Variants in GPATCH2L observed in about 807,000 individuals in gnomAD.
GPATCH2L encodes G patch domain-containing protein 2-like.
Under a neutral mutation model 57.4 loss-of-function variants are expected in GPATCH2L, and 31 were observed. The ratio of observed to expected loss-of-function variants is 0.54; its 90% confidence interval spans 0.41 to 0.73. The LOEUF (loss-of-function observed/expected upper bound fraction) is 0.73. Ranked by LOEUF, GPATCH2L falls within the 30% of genes least tolerant of loss-of-function variation. The probability of loss-of-function intolerance (pLI) is 0.00; values close to 1 mark genes in which losing one functional copy is unlikely to be tolerated. For synonymous variants in GPATCH2L, 199 were observed against 210.7 expected, an observed-to-expected ratio of 0.94 and a Z score of 0.48; for missense variants, 481 against 599.9, an observed-to-expected ratio of 0.80 and a Z score of 2.07.
At position 76,226,278 on chromosome 14, in the gene GPATCH2L, G is replaced by A. The variant is rs189667714; in HGVS notation, c.66-3530G>A. Among the ~76,000 whole-genome samples, 35 of 152,248 alleles carry A rather than the reference G, an allele frequency of 2.3e-4. No homozygotes were observed. In the East Asian group the frequency reaches 6.4e-3, roughly 28 times the overall value. The stretch of plus-strand genomic sequence containing the variant: ...AGAATAGAACACTGTACAGAAATGA[G>A]GATTAACAAACTGTATGCAGCAACA... On this transcript the variant is annotated intron_variant and NMD_transcript_variant, in intron 1 of 3. Coordinates refer to the GPATCH2L transcript ENST00000556372.
chr14:76,184,352 A>C (rs1235866195), intron 8 of GPATCH2L, among the ~76,000 whole-genome samples: 1 of 152,074 alleles, frequency 6.6e-6, no homozygotes, highest in South Asian at 2.1e-4. Context: ...CTGAACTATG[A>C]AGGTTCCCTC....
Position 76,201,754 on chromosome 14 carries a change from A to G in GPATCH2L, c.1352A>G (p.Glu451Gly), listed in dbSNP as rs1309018942. The G allele has an allele frequency of 6.2e-7, 1 of 1,613,884 alleles. No homozygotes were observed. Among genetic ancestry groups the G allele is most frequent in the South Asian group, 1.1e-5 (1 of 91,080 alleles). Residue 451 changes from glutamate to glycine, a missense_variant, in exon 10 of 10, where the codon GAG becomes GGG. Transcript: ENST00000261530. ...ASQAPKSPSS[E>G]WLVRTSAAEK... is the part of the protein sequence containing the mutation. ...CAAGCCCCCAAATCACCCAGCTCTG[A>G]GTGGTTGGTGAGGACCTCTGCAGCA...
At chr14:76,170,962 A>G (rs2039056082) in intron 3 of GPATCH2L, among the ~76,000 whole-genome samples, 1 of 152,128 alleles carries the variant, frequency 6.6e-6, no homozygotes, top group Non-Finnish European at 1.5e-5. Flanking sequence ...AAGAGATGAC[A>G]TATTTACAGA....
chr14:76,217,906 T>C (rs2040496723), downstream of GPATCH2L, among the ~76,000 whole-genome samples: 1 of 152,164 alleles, frequency 6.6e-6, no homozygotes, highest in Non-Finnish European at 1.5e-5. Context: ...GTCATAAAGA[T>C]GTGAAGTATT....
rs2121075 is a variant in GPATCH2L, at chr14:76,209,197, G to C, written c.*7346G>C. 120,124 of 152,318 alleles carry C rather than the reference G, an allele frequency of 0.79. 47,946 individuals are homozygous for C. The highest frequency in any genetic ancestry group is 0.88 in the South Asian group (4,233 of 4,822). 9.4% of individuals were successfully genotyped at this position (152,318 alleles called of 1,614,324 possible). On this transcript the variant is annotated 3_prime_UTR_variant, in exon 10 of 10. Coordinates refer to ENST00000261530, the MANE Select transcript of GPATCH2L (RefSeq NM_017926.4). ...ACTTCTTTGCTCTTTCTCAGTTTCT[G>C]TGGAGTTGTTTGGTAGGTCAGTCTA... is the stretch of plus-strand genomic sequence containing the variant.
chr14:76,178,283 GAGA>G, intron 7 of GPATCH2L: 1 of 1,431,584 alleles, frequency 7.0e-7, no homozygotes, highest in African/African-American at 1.4e-5. Context: ...ATCCTGCGTT[GAGA>G]AGTACTATGT....
intron 1 of GPATCH2L, among the ~76,000 whole-genome samples, chr14:76,228,078 G>T (rs2040543716): frequency 6.6e-6 from 1 of 152,222 alleles, no homozygotes; most frequent in African/African-American, 2.4e-5. Context: ...GGATCTGTGT[G>T]GCTACAGCAC....
intron 2 of GPATCH2L, among the ~76,000 whole-genome samples, chr14:76,231,622 TACACACACACACACAC>T (rs60488808): frequency 6.1e-5 from 9 of 147,366 alleles, no homozygotes; most frequent in Non-Finnish European, 1.0e-4. Context: ...ACTAAACACA[TACACACACACACACAC>T]ACACACACAC....
chr14:76,219,989 C>T (rs2040507444), intron 1 of GPATCH2L, among the ~76,000 whole-genome samples: 1 of 152,210 alleles, frequency 6.6e-6, no homozygotes, highest in Non-Finnish European at 1.5e-5. Flanking sequence ...TGATTCGTTT[C>T]TGTTATCAGG....
chr14:76,193,830 C>T (rs752805282), intron 8 of GPATCH2L, among the ~76,000 whole-genome samples: 3 of 152,172 alleles, frequency 2.0e-5, no homozygotes, highest in Non-Finnish European at 4.4e-5. Context: ...AGGAAAGAAG[C>T]ATGACTATAC....
chr14:76,217,019 G>A (rs1193261604), downstream of GPATCH2L, among the ~76,000 whole-genome samples: 1 of 152,052 alleles, frequency 6.6e-6, no homozygotes, highest in African/African-American at 2.4e-5. Context: ...AAGTGGATCT[G>A]TTTCTCACAC....
intron 2 of GPATCH2L, among the ~76,000 whole-genome samples, chr14:76,156,070 A>G (rs1394991753): frequency 6.6e-6 from 1 of 152,206 alleles, no homozygotes; most frequent in Admixed American, 6.5e-5. Context: ...TATATGGTGG[A>G]TACCACTATT....
At chr14:76,167,719 C>T (rs2038909431) in intron 3 of GPATCH2L, among the ~76,000 whole-genome samples, 1 of 152,098 alleles carries the variant, frequency 6.6e-6, no homozygotes, top group African/African-American at 2.4e-5. Flanking sequence ...CTTTTAGATT[C>T]TGAGGGAATT....
In GPATCH2L at chr14:76,207,645, A is replaced by G. The variant is rs764244078; in HGVS notation, c.*5794A>G. On this transcript the variant is annotated 3_prime_UTR_variant, in exon 10 of 10. Coordinates refer to ENST00000261530, the MANE Select transcript of GPATCH2L (RefSeq NM_017926.4). The stretch of plus-strand genomic sequence containing the variant: ...AATCTCAGTACTTCAGAGCATGTAA[A>G]AATCAATTTTCTGTGATCCCACTTA... The G allele has an allele frequency of 2.0e-5, 3 of 152,124 alleles. No individual in the cohort carries two copies. Among genetic ancestry groups the G allele is most frequent in the Non-Finnish European group, 2.9e-5 (2 of 68,016 alleles). The allele number at this position is 152,124 out of a possible 1,614,324, so 9.4% of individuals were successfully genotyped here.
intron 8 of GPATCH2L, among the ~76,000 whole-genome samples, chr14:76,185,954 G>T (rs2039749955): frequency 6.6e-6 from 1 of 152,068 alleles, no homozygotes; most frequent in Non-Finnish European, 1.5e-5. Context: ...CCAGGCAAAT[G>T]ACTTAATCTT....
intron 8 of GPATCH2L, among the ~76,000 whole-genome samples, chr14:76,181,458 T>C (rs1026629201): frequency 1.3e-5 from 2 of 152,254 alleles, no homozygotes; most frequent in Non-Finnish European, 2.9e-5. Context: ...CCTTTATGGC[T>C]CTATCACAGT....
rs1430987711 is a variant in GPATCH2L, at chr14:76,214,095, T to C, written c.*12244T>C. 6.6e-6 allele frequency: 1 copy of C among 152,214 alleles called. No homozygotes were observed. Among genetic ancestry groups the C allele is most frequent in the East Asian group, 1.9e-4 (1 of 5,202 alleles). 9.4% of individuals were successfully genotyped at this position (152,214 alleles called of 1,614,324 possible). A position where few individuals can be genotyped will look rare whatever the true frequency, so the allele number is the denominator to read the frequency against. The stretch of plus-strand genomic sequence containing the variant: ...CATGTTTGTTTTTCCATGTGAACTT[T>C]AGTATCAACTTGTCTAAATTCATTT... On this transcript the variant is annotated 3_prime_UTR_variant, in exon 10 of 10. Coordinates refer to ENST00000261530, the MANE Select transcript of GPATCH2L (RefSeq NM_017926.4).
At chr14:76,187,308 A>G (rs114736427) in intron 8 of GPATCH2L, among the ~76,000 whole-genome samples, 319 of 152,092 alleles carry the variant, frequency 2.1e-3, no homozygotes, top group African/African-American at 7.2e-3. Context: ...TGGCCTTCCT[A>G]CTGTGTTGTG....
At chr14:76,187,722 A>C (rs2039822407) in intron 8 of GPATCH2L, among the ~76,000 whole-genome samples, 1 of 152,128 alleles carries the variant, frequency 6.6e-6, no homozygotes, top group East Asian at 1.9e-4. Flanking sequence ...TTTGTGTTAC[A>C]AACAAACCAA....
Sources: allele counts gnomAD v4.1 joint callset (sites outside exome capture counted in the v4.1 genomes callset), GRCh38; gene constraint gnomAD v4.1.1; transcripts MANE v1.5; gene names NCBI Gene and HGNC (gene_info 2026-07-23, HGNC 2026-07-21).